The following TP63 variants were observed in gnomAD, a reference collection of about 807,000 sequenced individuals.
TP63 encodes tumor protein 63.
Under a neutral mutation model 82.8 loss-of-function variants are expected in TP63, and 17 were observed. The ratio of observed to expected loss-of-function variants is 0.21; its 90% CI spans 0.14 to 0.31. The LOEUF is 0.31. Among genes scored for constraint, TP63 ranks in the 10% least tolerant of loss-of-function variants. TP63 has a pLI of 1.00. For missense variants in TP63, 648 were observed against 895.3 expected, an observed-to-expected ratio of 0.72 and a Z score of 3.52; for synonymous variants, 330 against 321.7, an observed-to-expected ratio of 1.03 and a Z score of -0.28.
chr3:189,884,009 G>T (rs1344276190), intron 10 of TP63, among the ~76,000 whole-genome samples: 1 of 151,988 alleles, frequency 6.6e-6, no homozygotes, highest in East Asian at 1.9e-4. Flanking sequence ...TTCAAGCACT[G>T]CTTTCTATTA....
intron 1 of TP63, among the ~76,000 whole-genome samples, chr3:189,731,083 CT>C (rs1451572707): frequency 6.6e-6 from 1 of 152,214 alleles, no homozygotes; most frequent in Non-Finnish European, 1.5e-5. Context: ...TGGCTCACGC[CT>C]GTAATCCCAG....
chr3:189,842,060 C>G (rs73199755), intron 4 of TP63, among the ~76,000 whole-genome samples: 10,284 of 152,156 alleles, frequency 0.068, 456 homozygotes, highest in Middle Eastern at 0.12. Flanking sequence ...TGTAGTAGCC[C>G]GCGGTTTTGC....
intron 1 of TP63, among the ~76,000 whole-genome samples, chr3:189,731,595 A>G (rs1720180333): frequency 6.6e-6 from 1 of 152,240 alleles, no homozygotes; most frequent in African/African-American, 2.4e-5. Context: ...TAAAATGACA[A>G]CATTTAGGGA....
intron 1 of TP63, among the ~76,000 whole-genome samples, chr3:189,673,679 ATT>A (rs1386014766): frequency 6.6e-6 from 1 of 152,164 alleles, no homozygotes; most frequent in Non-Finnish European, 1.5e-5. Flanking sequence ...GATGAGATAA[ATT>A]TAAGCACATA....
intron 4 of TP63, among the ~76,000 whole-genome samples, chr3:189,834,831 A>G (rs974165764): frequency 1.3e-5 from 2 of 150,160 alleles, no homozygotes; most frequent in Non-Finnish European, 3.0e-5. Flanking sequence ...AAGCAATTAT[A>G]TATGTTTTGA....
At chr3:189,702,517 G>C (rs1717889469) in intron 1 of TP63, among the ~76,000 whole-genome samples, 1 of 152,200 alleles carries the variant, frequency 6.6e-6, no homozygotes, top group African/African-American at 2.4e-5. Flanking sequence ...GCAGGACTCT[G>C]GCTGTGGTGC....
At chr3:189,743,896 G>A (rs1387312931) in intron 3 of TP63, among the ~76,000 whole-genome samples, 1 of 152,104 alleles carries the variant, frequency 6.6e-6, no homozygotes, top group East Asian at 1.9e-4. Flanking sequence ...CTAGCCAAAG[G>A]AGAGCCCTTT....
chr3:189,738,653 C>T lies in TP63; in HGVS notation c.203C>T (p.Ser68Leu). The change falls in exon 3 of 14, where the codon TCA becomes TTA. Residue 68 changes from serine (S) to leucine (L), a missense_variant. Around this residue, in one of 5 missense-constraint regions of TP63, gnomAD observed 182 missense variants for 213.6 expected, o/e 0.85. Coordinates refer to ENST00000264731, the MANE Select transcript of TP63 (RefSeq NM_003722.5). ...IWDFLEQPIC[S>L]VQPIDLNFVD... The stretch of plus-strand genomic sequence containing the variant: ...TTCCTATGTGTTAGGCCTATATGTT[C>T]AGTTCAGCCCATTGACTTGAACTTT... 6.2e-7 allele frequency: 1 copy of T among 1,614,094 alleles called. No homozygotes were observed. Among genetic ancestry groups the T allele is most frequent in the Non-Finnish European group, 8.5e-7 (1 of 1,179,998 alleles).
intron 4 of TP63, among the ~76,000 whole-genome samples, chr3:189,817,620 C>T (rs974406078): frequency 4.6e-5 from 7 of 151,976 alleles, no homozygotes; most frequent in Admixed American, 6.6e-5. Flanking sequence ...TGTATCATAA[C>T]GATGCTTACA....
intron 3 of TP63, among the ~76,000 whole-genome samples, chr3:189,757,333 G>A (rs1192683742): frequency 2.6e-5 from 4 of 152,214 alleles, no homozygotes; most frequent in African/African-American, 9.6e-5. Context: ...GCCTGTGTTT[G>A]AATCTAGCTC....
intron 5 of TP63, among the ~76,000 whole-genome samples, chr3:189,866,421 ATTAATC>A (rs1197080251): frequency 6.6e-6 from 1 of 152,190 alleles, no homozygotes. Context: ...AGCTTGAATC[ATTAATC>A]TTAAACTCCA....
At chr3:189,810,192 A>G (rs1199480149) in intron 4 of TP63, among the ~76,000 whole-genome samples, 2 of 152,190 alleles carry the variant, frequency 1.3e-5, no homozygotes, top group East Asian at 3.8e-4. Flanking sequence ...GGCGATGGAT[A>G]CTGCAGGTGA....
chr3:189,642,522 C>T (rs76083280), intron 1 of TP63, among the ~76,000 whole-genome samples: 229 of 152,016 alleles, frequency 1.5e-3, no homozygotes, highest in Middle Eastern at 0.01. Context: ...AAATGTTATA[C>T]CTCCTAACTT....
intron 4 of TP63, among the ~76,000 whole-genome samples, chr3:189,825,435 C>CA (rs1729237869): frequency 6.6e-6 from 1 of 151,972 alleles, no homozygotes; most frequent in South Asian, 2.1e-4. Context: ...CAGCAGCAGG[C>CA]AAAAATAAAT....
chr3:189,844,655 G>GT (rs1479051366), intron 4 of TP63, among the ~76,000 whole-genome samples: 5 of 152,258 alleles, frequency 3.3e-5, no homozygotes, highest in Non-Finnish European at 7.4e-5. Flanking sequence ...TTTTTCAAGT[G>GT]AGTTTTTTTG....
chr3:189,804,055 T>C (rs1726609234), intron 3 of TP63, among the ~76,000 whole-genome samples: 1 of 152,156 alleles, frequency 6.6e-6, no homozygotes, highest in African/African-American at 2.4e-5. Context: ...ATAACTTTTG[T>C]TACCTAAGAA....
chr3:189,615,723 A>G, the TP63 span, among the ~76,000 whole-genome samples: 1 of 152,088 alleles, frequency 6.6e-6, no homozygotes, highest in African/African-American at 2.4e-5. Context: ...TCAAGCATCT[A>G]TTTATGTCGT....
chr3:189,646,140 T>C (rs1352327418), intron 1 of TP63, among the ~76,000 whole-genome samples: 1 of 147,224 alleles, frequency 6.8e-6, no homozygotes, highest in Non-Finnish European at 1.5e-5. Context: ...GTATTAGAAA[T>C]GCAAATTCTC....
chr3:189,646,034 G>C (rs1712399125), intron 1 of TP63, among the ~76,000 whole-genome samples: 1 of 147,142 alleles, frequency 6.8e-6, no homozygotes, highest in African/African-American at 2.5e-5. Flanking sequence ...AAGAACTCAA[G>C]GTGATTTGTG....
Sources: allele counts gnomAD v4.1 joint callset (sites outside exome capture counted in the v4.1 genomes callset), GRCh38; gene constraint gnomAD v4.1.1; regional missense constraint gnomAD v4.1.1; transcripts MANE v1.5; gene names NCBI Gene and HGNC (gene_info 2026-07-23, HGNC 2026-07-21).